Variants in DLG2 observed in about 807,000 individuals in gnomAD.
DLG2 encodes discs large MAGUK scaffold protein 2.
DLG2 carries 45 observed loss-of-function variants against 132.5 expected under a neutral mutation model. The ratio of observed to expected loss-of-function variants is 0.34; its 90% CI spans 0.27 to 0.44. The LOEUF (loss-of-function observed/expected upper bound fraction) is 0.44, where lower values mean the gene tolerates loss of function less well. Among genes scored for constraint, DLG2 ranks in the 20% least tolerant of loss-of-function variants. DLG2 has a pLI of 1.00. For synonymous variants in DLG2, 424 were observed against 419.6 expected, an observed-to-expected ratio of 1.01 and a Z score of -0.13; for missense variants, 1,045 against 1,196.9, an observed-to-expected ratio of 0.87 and a Z score of 1.87.
chr11:85,404,349 G>C (rs997529021), intron 3 of DLG2, among the ~76,000 whole-genome samples: 1 of 151,908 alleles, frequency 6.6e-6, no homozygotes, highest in African/African-American at 2.4e-5. Flanking sequence ...ATTAAAAGAA[G>C]ATTAGCCATC....
intron 21 of DLG2, among the ~76,000 whole-genome samples, chr11:83,505,413 G>A (rs983868441): frequency 6.6e-5 from 10 of 152,184 alleles, no homozygotes; most frequent in Admixed American, 3.3e-4. Flanking sequence ...CCCATTGGGC[G>A]ATGACAGGGG....
chr11:84,426,125 G>C (rs1390668574), intron 7 of DLG2, among the ~76,000 whole-genome samples: 1 of 152,076 alleles, frequency 6.6e-6, no homozygotes, highest in Non-Finnish European at 1.5e-5. Flanking sequence ...AGCAGGTACT[G>C]TTTACCAAAG....
intron 6 of DLG2, among the ~76,000 whole-genome samples, chr11:84,579,188 C>CGTGTATGTGTGT (rs1555057730): frequency 0.012 from 1,779 of 145,690 alleles, 53 homozygotes; most frequent in Admixed American, 0.073. Flanking sequence ...GCATTATTCA[C>CGTGTATGTGTGT]GTGTGTGTGT....
chr11:84,503,474 AC>A (rs1466117601), intron 7 of DLG2, among the ~76,000 whole-genome samples: 4 of 152,166 alleles, frequency 2.6e-5, no homozygotes, highest in African/African-American at 9.7e-5. Context: ...GCTAACCAGG[AC>A]CCCTCAGTCC....
rs1359044341 is a variant in DLG2, at chr11:83,516,591, C to T, written c.2193+16117G>A. Among the ~76,000 whole-genome samples, 6 of 152,138 alleles carry T rather than the reference C, an allele frequency of 3.9e-5. No homozygotes were observed. In the East Asian group the frequency reaches 5.8e-4, roughly 15 times the overall value. Reference sequence around the variant, plus strand: ...TATGATGTTAGCTGGTTCTTTTGCTCGTTAGTTGATGCAGTTTCCTCTTAG... The same window carrying T: ...TATGATGTTAGCTGGTTCTTTTGCTTGTTAGTTGATGCAGTTTCCTCTTAG... On this transcript the variant is annotated intron_variant, in intron 21 of 27. Coordinates refer to ENST00000376104, the MANE Select transcript of DLG2 (RefSeq NM_001142699.3).
intron 3 of DLG2, among the ~76,000 whole-genome samples, chr11:85,490,908 C>T (rs1326851261): frequency 6.6e-6 from 1 of 152,048 alleles, no homozygotes; most frequent in African/African-American, 2.4e-5. Context: ...GAAGAATTAT[C>T]CCGAATTCAA....
At chr11:83,860,589 T>C (rs1264823282) in intron 16 of DLG2, among the ~76,000 whole-genome samples, 1 of 152,232 alleles carries the variant, frequency 6.6e-6, no homozygotes, top group East Asian at 1.9e-4. Context: ...TACAGGCTTA[T>C]AGATGGAAGC....
intron 25 of DLG2, among the ~76,000 whole-genome samples, chr11:83,468,961 A>G (rs1421051559): frequency 1.3e-5 from 2 of 152,202 alleles, no homozygotes; most frequent in East Asian, 3.8e-4. Flanking sequence ...GGCCTCAGAT[A>G]GTGAGTCAAA....
intron 6 of DLG2, among the ~76,000 whole-genome samples, chr11:84,962,346 G>A (rs2052697953): frequency 6.6e-6 from 1 of 152,198 alleles, no homozygotes; most frequent in Non-Finnish European, 1.5e-5. Flanking sequence ...CTGTGATATA[G>A]TGAAACACTA....
At chr11:85,398,548 G>T (rs1314433731) in intron 3 of DLG2, among the ~76,000 whole-genome samples, 1 of 151,860 alleles carries the variant, frequency 6.6e-6, no homozygotes, top group African/African-American at 2.4e-5. Context: ...TAATAAAGAA[G>T]AAAAGAGAAA....
intron 6 of DLG2, among the ~76,000 whole-genome samples, chr11:84,620,303 C>A (rs975084092): frequency 6.6e-5 from 10 of 151,728 alleles, no homozygotes; most frequent in Admixed American, 5.9e-4. Context: ...ACAAAATAAT[C>A]AACACCAGAC....
chr11:84,446,236 T>A (rs1237974735), intron 7 of DLG2, among the ~76,000 whole-genome samples: 1 of 152,124 alleles, frequency 6.6e-6, no homozygotes, highest in Non-Finnish European at 1.5e-5. Context: ...ATTCTATATA[T>A]ATTTTTAAAT....
intron 3 of DLG2, among the ~76,000 whole-genome samples, chr11:85,423,853 T>A (rs1210215020): frequency 6.6e-6 from 1 of 152,118 alleles, no homozygotes; most frequent in Non-Finnish European, 1.5e-5. Context: ...ACTACCTGCA[T>A]CCCAGCTGCA....
chr11:84,331,772 C>T (rs1355030175), intron 7 of DLG2, among the ~76,000 whole-genome samples: 1 of 152,112 alleles, frequency 6.6e-6, no homozygotes, highest in Non-Finnish European at 1.5e-5. Flanking sequence ...GTATTATACA[C>T]TCAAGTGCCA....
chr11:84,989,235 G>GTGTA (rs1304382008), intron 6 of DLG2, among the ~76,000 whole-genome samples: 1 of 152,158 alleles, frequency 6.6e-6, no homozygotes, highest in Non-Finnish European at 1.5e-5. Context: ...GAGTGGAGTG[G>GTGTA]TGTAATCTCA....
chr11:83,924,358 T>C (rs142468599), intron 15 of DLG2, among the ~76,000 whole-genome samples: 1,799 of 152,276 alleles, frequency 0.012, 21 homozygotes, highest in Non-Finnish European at 0.02. Context: ...GGAACACATA[T>C]ACCTGCTGAC....
At chr11:85,545,727 G>T (rs974808721) in intron 3 of DLG2, among the ~76,000 whole-genome samples, 1 of 152,170 alleles carries the variant, frequency 6.6e-6, no homozygotes, top group Non-Finnish European at 1.5e-5. Context: ...GAGGGTGTAT[G>T]TGTCCAGGAA....
At chr11:84,264,711 T>C (rs2097591344) in intron 7 of DLG2, among the ~76,000 whole-genome samples, 1 of 152,158 alleles carries the variant, frequency 6.6e-6, no homozygotes, top group Non-Finnish European at 1.5e-5. Flanking sequence ...AGGTTTTTCC[T>C]AACCAACTAG....
At chr11:84,329,254 T>G (rs1031082706) in intron 7 of DLG2, among the ~76,000 whole-genome samples, 3 of 152,212 alleles carry the variant, frequency 2.0e-5, no homozygotes, top group Non-Finnish European at 4.4e-5. Context: ...AATACTTGAA[T>G]TGAACTTGGA....
Sources: gnomAD v4.1 joint callset for allele counts (sites outside exome capture counted in the v4.1 genomes callset) on GRCh38, gnomAD v4.1.1 for gene constraint, MANE v1.5 for transcripts, NCBI Gene and HGNC (gene_info 2026-07-23, HGNC 2026-07-21) for gene names.